Variants in ADAMTS3 observed in about 807,000 individuals in gnomAD.
ADAMTS3 encodes A disintegrin and metalloproteinase with thrombospondin motifs 3.
ADAMTS3 carries 73 observed loss-of-function variants against 129.0 expected under a neutral mutation model. That is an observed-to-expected ratio of 0.57 (90% CI 0.47 to 0.69). The LOEUF is 0.69. Among genes scored for constraint, ADAMTS3 ranks in the 30% least tolerant of loss-of-function variants. The pLI is 0.00. For missense variants in ADAMTS3, 1,457 were observed against 1,514.5 expected, an observed-to-expected ratio of 0.96 and a Z score of 0.63; for synonymous variants, 477 against 510.8, an observed-to-expected ratio of 0.93 and a Z score of 0.89.
chr4:72,533,673 A>ATATGTATATATACATATATGTG (rs1164175826), intron 3 of ADAMTS3, among the ~76,000 whole-genome samples: 1 of 151,370 alleles, frequency 6.6e-6, no homozygotes, highest in African/African-American at 2.4e-5. Context: ...GTATATGCAC[A>ATATGTATATATACATATATGTG]TATATGCACA....
rs929258601 is a variant in ADAMTS3, at chr4:72,313,575, C to T, written c.1745+102G>A. 42 of 1,241,650 alleles carry T rather than the reference C, an allele frequency of 3.4e-5. 3 individuals carry two copies. In the South Asian group the frequency reaches 5.8e-4, roughly 17 times the overall value. The allele number at this position is 1,241,650 out of a possible 1,614,324, so 76.9% of individuals were successfully genotyped here. ...ACTGTGAACAATTTATTTTCCTGCC[C>T]TGTGTTTTACATGCACTTTATAAAA... On this transcript the variant is annotated intron_variant, in intron 12 of 21. Coordinates refer to ENST00000286657, the MANE Select transcript of ADAMTS3 (RefSeq NM_014243.3).
chr4:72,405,569 T>A (rs1722030342), intron 4 of ADAMTS3, among the ~76,000 whole-genome samples: 1 of 152,110 alleles, frequency 6.6e-6, no homozygotes, highest in South Asian at 2.1e-4. Context: ...CTTTTTAAAT[T>A]TGTTTTGGTT....
At chr4:72,490,140 A>G (rs1719701584) in intron 3 of ADAMTS3, among the ~76,000 whole-genome samples, 1 of 151,654 alleles carries the variant, frequency 6.6e-6, no homozygotes. Flanking sequence ...TCATATACCT[A>G]TTGGCCATTT....
chr4:72,541,894 C>A (rs1337892123), intron 3 of ADAMTS3, among the ~76,000 whole-genome samples: 1 of 152,066 alleles, frequency 6.6e-6, no homozygotes, highest in Non-Finnish European at 1.5e-5. Context: ...TTAAAATGGA[C>A]TAATATACAC....
Position 72,320,808 on chromosome 4 carries a change from C to T in ADAMTS3, c.1008G>A (p.Ala336=), listed in dbSNP as rs138352532. The T allele has an allele frequency of 3.2e-4, 510 of 1,613,964 alleles. No individual in the cohort carries two copies. The highest frequency in any genetic ancestry group is 5.0e-4 in the Middle Eastern group (3 of 6,058). ...SRSLENVCRW[A]SQQQRSDLNH... ...TGAGATCAGATCTTTGCTGTTGGGA[C>T]GCCCAGCGACACACATTCTCCAAGC... is the stretch of plus-strand genomic sequence containing the variant. The change falls in exon 7 of 22, where the codon GCG becomes GCA. Residue 336 remains alanine (A), a synonymous_variant. Coordinates refer to ENST00000286657, the MANE Select transcript of ADAMTS3 (RefSeq NM_014243.3).
At chr4:72,329,766 G>C (rs1719797702) in intron 5 of ADAMTS3, among the ~76,000 whole-genome samples, 1 of 148,916 alleles carries the variant, frequency 6.7e-6, no homozygotes, top group African/African-American at 2.5e-5. Context: ...AAAAAAAAAC[G>C]ATCTACGATG....
intron 3 of ADAMTS3, among the ~76,000 whole-genome samples, chr4:72,474,057 T>C (rs139922121): frequency 6.6e-6 from 1 of 152,072 alleles, no homozygotes; most frequent in Admixed American, 6.5e-5. Context: ...AGGGAGCTCC[T>C]TCCCCACATA....
intron 4 of ADAMTS3, among the ~76,000 whole-genome samples, chr4:72,385,630 T>C (rs1040800508): frequency 1.4e-4 from 22 of 152,068 alleles, no homozygotes; most frequent in African/African-American, 5.3e-4. Context: ...GAAAAAGAGA[T>C]AGCATGTATT....
chr4:72,503,183 T>TG (rs1315792058), intron 3 of ADAMTS3, among the ~76,000 whole-genome samples: 1 of 151,808 alleles, frequency 6.6e-6, no homozygotes, highest in Non-Finnish European at 1.5e-5. Context: ...CCACCACGCT[T>TG]GGCTAATTTT....
At chr4:72,467,006 T>C (rs1332505480) in intron 3 of ADAMTS3, among the ~76,000 whole-genome samples, 2 of 152,008 alleles carry the variant, frequency 1.3e-5, no homozygotes, top group East Asian at 1.9e-4. Context: ...CCTCACTATA[T>C]CTCTGGCACA....
chr4:72,286,650 A>C (rs1406395663), intron 21 of ADAMTS3, among the ~76,000 whole-genome samples: 5 of 152,222 alleles, frequency 3.3e-5, no homozygotes, highest in African/African-American at 1.2e-4. Context: ...CAACTTCTTT[A>C]GGCCTGAGTC....
At chr4:72,539,513 A>AAC (rs1553921841) in intron 3 of ADAMTS3, among the ~76,000 whole-genome samples, 1 of 142,352 alleles carries the variant, frequency 7.0e-6, no homozygotes, top group Non-Finnish European at 1.5e-5. Context: ...AAAAAAAAAA[A>AAC]CAGAAAATAA....
intron 3 of ADAMTS3, among the ~76,000 whole-genome samples, chr4:72,498,432 C>T (rs886561184): frequency 1.4e-4 from 21 of 151,738 alleles, no homozygotes; most frequent in African/African-American, 4.3e-4. Flanking sequence ...CTAGAAAAGC[C>T]TGTAAAAAAA....
chr4:72,517,800 T>C (rs1720535704), intron 3 of ADAMTS3, among the ~76,000 whole-genome samples: 1 of 151,804 alleles, frequency 6.6e-6, no homozygotes, highest in African/African-American at 2.4e-5. Flanking sequence ...CCTGGATTCA[T>C]TGATTTTTTG....
chr4:72,568,421 A>G (rs1056689037), intron 1 of ADAMTS3, among the ~76,000 whole-genome samples: 1 of 152,118 alleles, frequency 6.6e-6, no homozygotes, highest in Non-Finnish European at 1.5e-5. Context: ...GTTTGTCACT[A>G]GGAATTGTTA....
intron 3 of ADAMTS3, among the ~76,000 whole-genome samples, chr4:72,464,392 C>A (rs1718863378): frequency 6.6e-6 from 1 of 151,926 alleles, no homozygotes; most frequent in Non-Finnish European, 1.5e-5. Context: ...GAATGTCACT[C>A]CTTCATTCCT....
chr4:72,323,531 C>T lies in ADAMTS3; in HGVS notation c.862-434G>A, dbSNP rs115277037. Among the ~76,000 whole-genome samples, 1,271 of 152,188 alleles carry T rather than the reference C, an allele frequency of 8.4e-3. 9 individuals carry two copies. The highest frequency in any genetic ancestry group is 0.025 in the South Asian group (121 of 4,818). On this transcript the variant is annotated intron_variant, in intron 5 of 21. Coordinates refer to ENST00000286657, the MANE Select transcript of ADAMTS3 (RefSeq NM_014243.3). ...GCCTGTGTGACAACCAGGGGTGCTA[C>T]GTCTGGTTGAGAGAGCCAATGGCTA...
At chr4:72,540,195 T>A (rs747907683) in intron 3 of ADAMTS3, among the ~76,000 whole-genome samples, 1 of 152,220 alleles carries the variant, frequency 6.6e-6, no homozygotes, top group Non-Finnish European at 1.5e-5. Flanking sequence ...CAGATGGAGA[T>A]GAGGAACTTG....
At chr4:72,435,410 G>A (rs572906498) in intron 3 of ADAMTS3, among the ~76,000 whole-genome samples, 6 of 151,738 alleles carry the variant, frequency 4.0e-5, no homozygotes, top group Non-Finnish European at 7.4e-5. Flanking sequence ...AATGTTAACC[G>A]ATGTTGCATT....
Sources: gnomAD v4.1 joint callset for allele counts (sites outside exome capture counted in the v4.1 genomes callset) on GRCh38, gnomAD v4.1.1 for gene constraint, MANE v1.5 for transcripts, NCBI Gene and HGNC (gene_info 2026-07-23, HGNC 2026-07-21) for gene names.